DCDC2B: variants seen among roughly 807,000 people sequenced by gnomAD.
DCDC2B encodes the protein doublecortin domain-containing protein 2B.
A neutral mutation model predicts 38.9 loss-of-function variants in DCDC2B; 41 were observed. That is an observed-to-expected ratio of 1.05 (90% CI 0.82 to 1.37). DCDC2B has a LOEUF of 1.37. Ranked by LOEUF, DCDC2B falls within the 40% of genes most tolerant of loss-of-function variation. DCDC2B has a pLI of 0.00. For synonymous variants in DCDC2B, 181 were observed against 171.9 expected, an observed-to-expected ratio of 1.05 and a Z score of -0.41; for missense variants, 453 against 427.2, an observed-to-expected ratio of 1.06 and a Z score of -0.53.
intron 1 of DCDC2B, among the ~76,000 whole-genome samples, chr1:32,211,052 T>C (rs1005412672): frequency 2.0e-5 from 3 of 152,188 alleles, no homozygotes; most frequent in Non-Finnish European, 4.4e-5. Context: ...CCAGTCTGGA[T>C]TTCCAGACTT....
In DCDC2B at chr1:32,209,183, A is replaced by G. The variant is rs190147459; in HGVS notation, c.90A>G (p.Gln30=). 11,124 of 1,613,972 alleles carry G rather than the reference A, an allele frequency of 6.9e-3. 111 individuals are homozygous for G. The highest frequency in any genetic ancestry group is 0.03 in the South Asian group (2,723 of 91,082). The change falls in exon 1 of 9, where the codon CAA becomes CAG. Residue 30 remains glutamine, a synonymous_variant. Transcript: ENST00000409358. ...FFPGSQLVVT[Q]RRFPTMEAFL... ...CAGGCTCCCAGCTGGTGGTGACTCAACGCCGCTTCCCCACCATGGAGGCCT... is the reference window on the plus strand; with the variant it reads ...CAGGCTCCCAGCTGGTGGTGACTCAGCGCCGCTTCCCCACCATGGAGGCCT...
intron 8 of DCDC2B, 62 bp from the exon 9 acceptor site, chr1:32,215,740 C>A: frequency 7.3e-7 from 1 of 1,363,038 alleles, no homozygotes; most frequent in Non-Finnish European, 1.0e-6. Flanking sequence ...GACCTCCTGG[C>A]TGAGAGCTGG....
rs1439726777 is a variant in DCDC2B, at chr1:32,209,138, G to A, written c.45G>A (p.Arg15=). The part of the protein sequence containing the change: ...SPAAKRVVVY[R]NGDPFFPGSQ... Reference sequence around the variant, plus strand: ...CAGCCAAGAGGGTAGTGGTGTACCGGAATGGGGACCCATTCTTCCCAGGCT... The same window carrying A: ...CAGCCAAGAGGGTAGTGGTGTACCGAAATGGGGACCCATTCTTCCCAGGCT... The change falls in exon 1 of 9, where the codon CGG becomes CGA. Residue 15 remains arginine (R), a synonymous_variant. Transcript: ENST00000409358. The A allele has an allele frequency of 6.2e-7, 1 of 1,613,928 alleles. No individual in the cohort carries two copies. The highest frequency in any genetic ancestry group is 2.2e-5 in the East Asian group (1 of 44,888).
intron 6 of DCDC2B, among the ~76,000 whole-genome samples, chr1:32,213,274 C>G (rs1410066193): frequency 6.6e-6 from 1 of 151,914 alleles, no homozygotes; most frequent in Non-Finnish European, 1.5e-5. Context: ...TCAAGCAATC[C>G]TCCCACCTTG....
chr1:32,212,883 G>A lies in DCDC2B; in HGVS notation c.714+90G>A. On this transcript the variant is annotated intron_variant, in intron 6 of 8. Coordinates refer to ENST00000409358, the MANE Select transcript of DCDC2B (RefSeq NM_001099434.2). Reference sequence around the variant, plus strand: ...GCACAGGCTCTGACCTTATTTCACTGCATCCTCTCTTTTTTCTTTTTCTTT... The same window carrying A: ...GCACAGGCTCTGACCTTATTTCACTACATCCTCTCTTTTTTCTTTTTCTTT... The A allele has an allele frequency of 9.9e-6, 14 of 1,419,864 alleles. 1 individual carries two copies. In the South Asian group the frequency reaches 1.7e-4, roughly 17 times the overall value. The allele number at this position is 1,419,864 out of a possible 1,614,324, so 88.0% of individuals were successfully genotyped here.
At chr1:32,213,428 C>T (rs944517145) in intron 6 of DCDC2B, among the ~76,000 whole-genome samples, 1 of 150,832 alleles carries the variant, frequency 6.6e-6, no homozygotes, top group African/African-American at 2.4e-5. Flanking sequence ...CCTCCACCTT[C>T]TGGGTTCAAG....
chr1:32,211,314 C>A lies in DCDC2B; in HGVS notation c.309C>A (p.Cys103Ter). ...GGAAGGACCCAGGTGGGAAGAGCTG[C>A]AGACTACAAGTGAGTCCCGGGGAAC... is the stretch of plus-strand genomic sequence containing the variant. ...HRGKDPGGKSCRLQGPPVTRH... is the reference protein window; with the variant it reads ...HRGKDPGGKS Residue 103 changes from cysteine to a stop codon, truncating the protein, a stop_gained, in exon 2 of 9, where the codon TGC (cysteine) becomes TGA (stop). Transcript: ENST00000409358. LOFTEE classifies it high-confidence loss of function. 1.2e-6 allele frequency: 2 copies of A among 1,613,906 alleles called. No individual in the cohort carries two copies. Among genetic ancestry groups the A allele is most frequent in the Non-Finnish European group, 1.7e-6 (2 of 1,179,858 alleles).
intron 6 of DCDC2B, among the ~76,000 whole-genome samples, chr1:32,213,633 C>A (rs1397458169): frequency 6.6e-6 from 1 of 151,760 alleles, no homozygotes; most frequent in Non-Finnish European, 1.5e-5. Context: ...CTCAGCCTCC[C>A]GAGCAGCTGG....
At chr1:32,215,645 G>C in intron 8 of DCDC2B, 102 bp downstream of exon 8, 1 of 1,167,678 alleles carries the variant, frequency 8.6e-7, no homozygotes, top group Non-Finnish European at 1.2e-6. Context: ...CCTTGTGATT[G>C]AAAGTAAATG....
intron 6 of DCDC2B, 50 bp from the exon 7 acceptor site, chr1:32,214,747 A>G (rs939311433): frequency 6.2e-7 from 1 of 1,608,530 alleles, no homozygotes; most frequent in African/African-American, 1.3e-5. Flanking sequence ...GGAGTAGGAA[A>G]GGTAAGAATG....
chr1:32,212,839 C>T, intron 6 of DCDC2B, 46 bp downstream of exon 6: 4 of 1,601,634 alleles, frequency 2.5e-6, no homozygotes, highest in Non-Finnish European at 3.4e-6. Flanking sequence ...AGGGGAGTGA[C>T]TGGCTGACAA....
At chr1:32,212,437 G>A (rs1298183276) in intron 4 of DCDC2B, 53 bp from the exon 5 acceptor site, 17 of 1,602,772 alleles carry the variant, frequency 1.1e-5, no homozygotes, top group Non-Finnish European at 1.4e-5. Context: ...TCTGCTGAAT[G>A]TGAAGAAGCA....
chr1:32,212,189 G>C lies in DCDC2B; in HGVS notation c.515G>C (p.Gly172Ala), dbSNP rs1643614841. Residue 172 changes from glycine (G) to alanine (A), a missense_variant, in exon 4 of 9, where the codon GGG (glycine) becomes GCG (alanine). Coordinates refer to ENST00000409358, the MANE Select transcript of DCDC2B (RefSeq NM_001099434.2). Reference sequence around the variant, plus strand: ...ACTGAGAAGGTCAAGTTGCAGAGTGGGGCTGTGTGCAAGTGAGTATGGGGA... The same window carrying C: ...ACTGAGAAGGTCAAGTTGCAGAGTGCGGCTGTGTGCAAGTGAGTATGGGGA... ...LLTEKVKLQS[G>A]AVCKLCTLEG... 1.9e-6 allele frequency: 3 copies of C among 1,613,368 alleles called. No homozygotes were observed. In the East Asian group the frequency reaches 6.7e-5, roughly 36 times the overall value.
intron 3 of DCDC2B, 33 bp downstream of exon 3, chr1:32,211,870 A>C: frequency 6.3e-7 from 1 of 1,586,074 alleles, no homozygotes; most frequent in South Asian, 1.1e-5. Flanking sequence ...AGGGGTGTTG[A>C]TGTTTGTTTT....
At position 32,211,786 on chromosome 1, in the gene DCDC2B, G is replaced by A. The variant is rs747473535; in HGVS notation, c.344G>A (p.Cys115Tyr). 9.9e-6 allele frequency: 16 copies of A among 1,610,886 alleles called. No individual in the cohort carries two copies. Among genetic ancestry groups the A allele is most frequent in the Non-Finnish European group, 1.4e-5 (16 of 1,178,634 alleles). Residue 115 changes from cysteine to tyrosine, a missense_variant, in exon 3 of 9, where the codon TGT (cysteine) becomes TAT (tyrosine). By Grantham distance (194) the Cys-to-Tyr change is radical. Coordinates refer to ENST00000409358, the MANE Select transcript of DCDC2B (RefSeq NM_001099434.2). ...LQGPPVTRHL[C>Y]DGAIGRQLPA... Reference sequence around the variant, plus strand: ...GGTCCTCCCGTGACTCGCCACTTGTGTGATGGGGCCATTGGACGGCAGCTG... The same window carrying A: ...GGTCCTCCCGTGACTCGCCACTTGTATGATGGGGCCATTGGACGGCAGCTG...
At chr1:32,211,606 A>C (rs1643587208) in intron 2 of DCDC2B, among the ~76,000 whole-genome samples, 155 bp from the exon 3 acceptor site, 2 of 152,186 alleles carry the variant, frequency 1.3e-5, no homozygotes, top group Non-Finnish European at 2.9e-5. Context: ...GGAACATCTA[A>C]GCACCGTTTG....
At position 32,215,468 on chromosome 1, in the gene DCDC2B, C is replaced by A. The variant is rs11590012; in HGVS notation, c.879C>A (p.His293Gln). The A allele has an allele frequency of 0.013, 20,278 of 1,613,096 alleles. 168 individuals carry two copies. The highest frequency in any genetic ancestry group is 0.015 in the Non-Finnish European group (17,905 of 1,179,562). Residue 293 changes from histidine (H) to glutamine (Q), a missense_variant, in exon 8 of 9, where the codon CAC becomes CAA. By Grantham distance (24) the His-to-Gln change is conservative. Coordinates refer to ENST00000409358, the MANE Select transcript of DCDC2B (RefSeq NM_001099434.2). ...SGVIGVYGAP[H>Q]RRKETAGALE... is the part of the protein sequence containing the mutation. ...TTATAGGAGTATATGGAGCTCCCCACCGAAGGAAGGAGACAGCGGGGGCCC... is the reference window on the plus strand; with the variant it reads ...TTATAGGAGTATATGGAGCTCCCCAACGAAGGAAGGAGACAGCGGGGGCCC...
At chr1:32,211,457 T>C in intron 2 of DCDC2B, 134 bp downstream of exon 2, 2 of 895,168 alleles carry the variant, frequency 2.2e-6, no homozygotes, top group Non-Finnish European at 3.4e-6. Context: ...AGCCAGCTAC[T>C]ATCTTTCCTG....
chr1:32,213,430 G>A (rs1039238612), intron 6 of DCDC2B, among the ~76,000 whole-genome samples: 1 of 149,228 alleles, frequency 6.7e-6, no homozygotes, highest in African/African-American at 2.5e-5. Flanking sequence ...TCCACCTTCT[G>A]GGTTCAAGTG....
Sources: allele counts gnomAD v4.1 joint callset (sites outside exome capture counted in the v4.1 genomes callset), GRCh38; gene constraint gnomAD v4.1.1; transcripts MANE v1.5; gene names NCBI Gene and HGNC (gene_info 2026-07-23, HGNC 2026-07-21).